SSH1: variants seen among roughly 807,000 people sequenced by gnomAD.
The protein encoded by SSH1 is slingshot protein phosphatase 1, also known as protein phosphatase Slingshot homolog 1.
Under a neutral mutation model 79.7 loss-of-function variants are expected in SSH1, and 43 were observed. The observed-to-expected ratio is 0.54, with a 90% CI of 0.42 to 0.70. SSH1 has a LOEUF of 0.70. Among genes scored for constraint, SSH1 ranks in the 30% least tolerant of loss-of-function variants. The probability of loss-of-function intolerance (pLI) is 0.00; values close to 1 mark genes in which losing one functional copy is unlikely to be tolerated. For missense variants in SSH1, 1,206 were observed against 1,358.8 expected, an observed-to-expected ratio of 0.89 and a Z score of 1.77; for synonymous variants, 599 against 538.3, an observed-to-expected ratio of 1.11 and a Z score of -1.56.
chr12:108,832,097 C>G (rs1034192010), intron 2 of SSH1, among the ~76,000 whole-genome samples: 1 of 152,100 alleles, frequency 6.6e-6, no homozygotes. Flanking sequence ...GATGAAACAA[C>G]CCCAGCCTGG....
intron 2 of SSH1, among the ~76,000 whole-genome samples, chr12:108,832,132 A>G (rs958871143): frequency 5.3e-5 from 8 of 152,100 alleles, no homozygotes; most frequent in Non-Finnish European, 1.0e-4. Context: ...TCCTGCCTCT[A>G]CAAAAAATAC....
chr12:108,789,105 G>A lies in SSH1; in HGVS notation c.2033C>T (p.Thr678Ile), dbSNP rs116903144. The A allele has an allele frequency of 2.5e-3, 3,968 of 1,613,950 alleles. 8 individuals are homozygous for A. Among genetic ancestry groups the A allele is most frequent in the Non-Finnish European group, 3.0e-3 (3,560 of 1,179,872 alleles). Residue 678 changes from threonine to isoleucine, a missense_variant, in exon 15 of 15, where the codon ACC becomes ATC. This residue lies in a region of SSH1 where 709 missense variants were observed against 730.6 expected (regional missense o/e 0.97). Coordinates refer to ENST00000326495, the MANE Select transcript of SSH1 (RefSeq NM_018984.4). ...GATGTGGGGTAGGAAGGCTGGCTGG[G>A]TGCAGATGGCGGGAGCATTGGGGTC... ...CEDPNAPAICTQPAFLPHITS... is the reference protein window; with the variant it reads ...CEDPNAPAICIQPAFLPHITS...
intron 2 of SSH1, among the ~76,000 whole-genome samples, chr12:108,843,890 CA>C (rs1174908361): frequency 6.6e-6 from 1 of 151,980 alleles, no homozygotes; most frequent in Non-Finnish European, 1.5e-5. Flanking sequence ...CTGGGCTTCA[CA>C]AATTACGCAG....
chr12:108,792,658 G>GA lies in SSH1; in HGVS notation c.1520dup (p.Cys509LeufsTer15). ...CTGAGAGTCGCCGGAAACAGCAGGGGAGGGGGGGCCCTAAGCCGGGCTGGG... is the reference window on the plus strand; with the variant it reads ...CTGAGAGTCGCCGGAAACAGCAGGGGAAGGGGGGGCCCTAAGCCGGGCTGGG... On this transcript the variant is annotated frameshift_variant, in exon 14 of 15. Transcript: ENST00000326495. LOFTEE classifies it high-confidence loss of function. 1 of 1,611,950 alleles carries GA rather than the reference G, an allele frequency of 6.2e-7. No homozygotes were observed. Among genetic ancestry groups the GA allele is most frequent in the Non-Finnish European group, 8.5e-7 (1 of 1,179,906 alleles).
In SSH1 at chr12:108,784,587, CG is replaced by C. The variant is rs1351741442; in HGVS notation, c.*3400del. Reference sequence around the variant, plus strand: ...CAACCAGGGACCTTGCTAGAAGGCTCGGAAGTAGCCGTAAGACAAAGAAATG... The same window carrying C: ...CAACCAGGGACCTTGCTAGAAGGCTCGAAGTAGCCGTAAGACAAAGAAATG... On this transcript the variant is annotated 3_prime_UTR_variant, in exon 15 of 15. Coordinates refer to ENST00000326495, the MANE Select transcript of SSH1 (RefSeq NM_018984.4). 2 of 152,176 alleles carry C rather than the reference CG, an allele frequency of 1.3e-5. No individual in the cohort carries two copies. Among genetic ancestry groups the C allele is most frequent in the Non-Finnish European group, 2.9e-5 (2 of 68,038 alleles). 9.4% of individuals were successfully genotyped at this position (152,176 alleles called of 1,614,324 possible).
rs2037044482 is a variant in SSH1, at chr12:108,802,213, G to A, written c.1001+109C>T. 4.3e-6 allele frequency: 4 copies of A among 937,738 alleles called. No individual in the cohort carries two copies. In the South Asian group the frequency reaches 5.5e-5, roughly 13 times the overall value. 58.1% of individuals were successfully genotyped at this position (937,738 alleles called of 1,614,324 possible). On this transcript the variant is annotated intron_variant, in intron 11 of 14. Transcript: ENST00000326495. The stretch of plus-strand genomic sequence containing the variant: ...CCCTGGCAGCCACTTCAGAGACCAG[G>A]GTGCAGGCAATTACAGGCAGGCAGC...
At chr12:108,856,431 A>C (rs2039144697) in intron 1 of SSH1, among the ~76,000 whole-genome samples, 1 of 152,254 alleles carries the variant, frequency 6.6e-6, no homozygotes, top group Admixed American at 6.5e-5. Context: ...AAACGCGCAC[A>C]GTGCCAGGAC....
Position 108,789,075 on chromosome 12 carries a change from G to A in SSH1, c.2063C>T (p.Ser688Phe). 5 of 1,613,084 alleles carry A rather than the reference G, an allele frequency of 3.1e-6. No homozygotes were observed. The highest frequency in any genetic ancestry group is 3.3e-5 in the Admixed American group (2 of 59,994). Residue 688 changes from serine (S) to phenylalanine (F), a missense_variant, in exon 15 of 15, where the codon TCC (serine) becomes TTC (phenylalanine). By Grantham distance (155) the Ser-to-Phe change is radical. Around this residue, in one of 5 missense-constraint regions of SSH1, gnomAD observed 709 missense variants for 730.6 expected, o/e 0.97. Coordinates refer to ENST00000326495, the MANE Select transcript of SSH1 (RefSeq NM_018984.4). ...TQPAFLPHIT[S>F]SPVAHLASRS... is the part of the protein sequence containing the mutation. ...GCTGGCCAAGTGGGCCACAGGGGAG[G>A]ACGTGATGTGGGGTAGGAAGGCTGG...
chr12:108,831,237 C>A (rs2038465981), intron 2 of SSH1, among the ~76,000 whole-genome samples: 3 of 152,134 alleles, frequency 2.0e-5, no homozygotes, highest in African/African-American at 7.2e-5. Context: ...CTCAATGGTA[C>A]CCCACTCTGC....
rs551301954 is a variant in SSH1 at position 108,803,653 on chromosome 12, C to T, written c.955-1285G>A. 1.8e-4 allele frequency among the ~76,000 whole-genome samples: 27 copies of T among 152,284 alleles called. No homozygotes were observed. In the South Asian group the frequency reaches 5.0e-3, roughly 28 times the overall value. On this transcript the variant is annotated intron_variant, in intron 10 of 14. Coordinates refer to ENST00000326495, the MANE Select transcript of SSH1 (RefSeq NM_018984.4). The stretch of plus-strand genomic sequence containing the variant: ...GCACTGAACCACACTAAAAACATAA[C>T]GCGAGTGCCGCTGAAGCTGAGACTG...
At chr12:108,845,539 T>C (rs969673887) in intron 2 of SSH1, among the ~76,000 whole-genome samples, 3 of 151,870 alleles carry the variant, frequency 2.0e-5, no homozygotes, top group African/African-American at 7.3e-5. Context: ...AATACAAAAT[T>C]GGCCAGGTGT....
In SSH1 at chr12:108,800,770, G is replaced by T. The variant is rs772153938; in HGVS notation, c.1148+10C>A. The T allele has an allele frequency of 2.0e-5, 32 of 1,611,908 alleles. No homozygotes were observed. The highest frequency in any genetic ancestry group is 2.3e-5 in the Non-Finnish European group (27 of 1,179,086). On this transcript the variant is annotated intron_variant, in intron 12 of 14. Transcript: ENST00000326495. ...GTTTCATCCTCAGCCCCGCCTCTCT[G>T]TCCACTTACTTCGCTTTGTTTATAA...
At chr12:108,811,839 C>CT (rs2037622182) in intron 5 of SSH1, among the ~76,000 whole-genome samples, 1 of 152,324 alleles carries the variant, frequency 6.6e-6, no homozygotes, top group Non-Finnish European at 1.5e-5. Context: ...ACTGCAGAGA[C>CT]TGGCGCCACT....
At chr12:108,811,811 G>C (rs1022924680) in intron 5 of SSH1, among the ~76,000 whole-genome samples, 3 of 152,198 alleles carry the variant, frequency 2.0e-5, no homozygotes, top group African/African-American at 7.2e-5. Flanking sequence ...CATCCTACCA[G>C]TGAAATGAGA....
intron 2 of SSH1, among the ~76,000 whole-genome samples, chr12:108,829,864 G>A (rs2038430643): frequency 6.6e-6 from 1 of 152,118 alleles, no homozygotes; most frequent in South Asian, 2.1e-4. Context: ...CACTTTGGGA[G>A]GTCAAAGTGG....
In SSH1 at chr12:108,799,335, G is replaced by C. The variant is rs1030185050; in HGVS notation, c.1149-135C>G. ...TAAACCCTGTAGATATCTTACTGCC[G>C]AAATCCTCCTACGTCTTAATGTTTA... On this transcript the variant is annotated intron_variant, in intron 12 of 14. Transcript: ENST00000326495. The C allele has an allele frequency of 2.8e-6, 2 of 710,196 alleles. 1 individual carries two copies. Among genetic ancestry groups the C allele is most frequent in the South Asian group, 3.7e-5 (2 of 53,806 alleles). The allele number at this position is 710,196 out of a possible 1,614,324, so 44.0% of individuals were successfully genotyped here.
chr12:108,818,167 C>T (rs2037975641), intron 4 of SSH1, 82 bp downstream of exon 4: 12 of 1,196,560 alleles, frequency 1.0e-5, no homozygotes, highest in Admixed American at 8.5e-5. Flanking sequence ...CACTGCACTC[C>T]AGCCTGGGCA....
intron 9 of SSH1, among the ~76,000 whole-genome samples, chr12:108,805,825 A>T (rs1226028562): frequency 6.6e-6 from 1 of 152,258 alleles, no homozygotes; most frequent in Non-Finnish European, 1.5e-5. Flanking sequence ...AAAGTGATCC[A>T]GGAAAAAACA....
rs2036126895 is a variant in SSH1 at position 108,779,458 on chromosome 12, G to A, written c.*8530C>T. The A allele has an allele frequency of 6.6e-6, 1 of 152,188 alleles. No homozygotes were observed. Among genetic ancestry groups the A allele is most frequent in the South Asian group, 2.1e-4 (1 of 4,818 alleles). 9.4% of individuals were successfully genotyped at this position (152,188 alleles called of 1,614,324 possible). ...TGGCTTCTTTCTACTTCTGGGGTGG[G>A]AGAGACAGCTCTGGGAAGGGTTTCA... is the stretch of plus-strand genomic sequence containing the variant. On this transcript the variant is annotated 3_prime_UTR_variant, in exon 15 of 15. Transcript: ENST00000326495.
Sources: allele counts gnomAD v4.1 joint callset (sites outside exome capture counted in the v4.1 genomes callset), GRCh38; gene constraint gnomAD v4.1.1; regional missense constraint gnomAD v4.1.1; transcripts MANE v1.5; gene names NCBI Gene and HGNC (gene_info 2026-07-23, HGNC 2026-07-21).